NUDCD1: variants seen among roughly 807,000 people sequenced by gnomAD.
NUDCD1 encodes the protein NudC domain containing 1, also known as nudC domain-containing protein 1.
In NUDCD1, 60 loss-of-function variants were observed where a neutral mutation model predicts 67.8. That is an observed-to-expected ratio of 0.88 (90% CI 0.72 to 1.10). The LOEUF (loss-of-function observed/expected upper bound fraction) is 1.10. Among genes scored for constraint, NUDCD1 ranks in the 50% least tolerant of loss-of-function variants. The probability of loss-of-function intolerance (pLI) is 0.00; values close to 1 mark genes in which losing one functional copy is unlikely to be tolerated. For synonymous variants in NUDCD1, 244 were observed against 230.8 expected (o/e 1.06, Z -0.52); for missense variants, 643 against 695.0 (o/e 0.93, Z 0.84).
Position 109,311,559 on chromosome 8 carries a change from G to GTGTGTATATATATATA in NUDCD1, c.273+10749_273+10750insTATATATATATACACA. On this transcript the variant is annotated intron_variant, in intron 2 of 9. Transcript: ENST00000239690. ...AATGAGTGGATAAAGAAACTGTGGT[G>GTGTGTATATATATATA]TATATATATATATGATGGGATACTG... Among the ~76,000 whole-genome samples the GTGTGTATATATATATA allele has an allele frequency of 3.3e-4, 41 of 125,094 alleles. 1 individual carries two copies. The highest frequency in any genetic ancestry group is 4.4e-3 in the Middle Eastern group (1 of 228). The allele number at this position is 125,094 out of a possible 152,430, so 82.1% of individuals were successfully genotyped here. A position where few individuals can be genotyped will look rare whatever the true frequency, so the allele number is the denominator to read the frequency against.
intron 1 of NUDCD1, among the ~76,000 whole-genome samples, chr8:109,326,502 G>A (rs571761876): frequency 3.3e-5 from 5 of 152,318 alleles, no homozygotes; most frequent in African/African-American, 9.6e-5. Context: ...AGGGGGCAGC[G>A]AGGCTTCAAT....
chr8:109,329,347 A>G (rs780154808), intron 1 of NUDCD1, among the ~76,000 whole-genome samples: 1 of 152,152 alleles, frequency 6.6e-6, no homozygotes, highest in African/African-American at 2.4e-5. Context: ...GATAAAAACT[A>G]TATGTCCGCA....
intron 8 of NUDCD1, among the ~76,000 whole-genome samples, chr8:109,253,364 T>C (rs1563659568): frequency 1.3e-5 from 2 of 152,208 alleles, no homozygotes; most frequent in African/African-American, 4.8e-5. Flanking sequence ...GATGGCAATG[T>C]GATCATAATA....
chr8:109,278,872 G>C (rs150186868), intron 6 of NUDCD1, among the ~76,000 whole-genome samples: 1 of 152,158 alleles, frequency 6.6e-6, no homozygotes, highest in African/African-American at 2.4e-5. Context: ...TTTTGGCTTT[G>C]TTTTGTTTTT....
At chr8:109,244,977 C>A (rs780551449) in intron 9 of NUDCD1, among the ~76,000 whole-genome samples, 3 of 152,080 alleles carry the variant, frequency 2.0e-5, no homozygotes, top group Non-Finnish European at 4.4e-5. Flanking sequence ...AACTTGAACA[C>A]CAGTTCCATG....
intron 9 of NUDCD1, 79 bp downstream of exon 9, chr8:109,245,243 A>G: frequency 1.4e-6 from 2 of 1,389,964 alleles, no homozygotes; most frequent in Non-Finnish European, 2.0e-6. Context: ...AATTAAAAAG[A>G]AAAAAAAGAA....
Position 109,289,951 on chromosome 8 carries a change from C to T in NUDCD1, c.641-18G>A. 8.8e-7 allele frequency: 1 copy of T among 1,141,648 alleles called. No individual in the cohort carries two copies. Among genetic ancestry groups the T allele is most frequent in the Non-Finnish European group, 1.2e-6 (1 of 814,532 alleles). 70.7% of individuals were successfully genotyped at this position (1,141,648 alleles called of 1,614,324 possible). Reference sequence around the variant, plus strand: ...TTTATTATCTGTAAGAAAAGTATTTCAGAACAAAACATTACAAATAAAAAC... The same window carrying T: ...TTTATTATCTGTAAGAAAAGTATTTTAGAACAAAACATTACAAATAAAAAC... On this transcript the variant is annotated intron_variant, in intron 4 of 9. Transcript: ENST00000239690.
chr8:109,300,225 C>T (rs1393870391), intron 2 of NUDCD1, among the ~76,000 whole-genome samples: 1 of 152,042 alleles, frequency 6.6e-6, no homozygotes, highest in Non-Finnish European at 1.5e-5. Context: ...CAATAGTTCA[C>T]CAGCATTGAA....
At chr8:109,274,280 A>G (rs1849467053) in intron 7 of NUDCD1, among the ~76,000 whole-genome samples, 1 of 152,150 alleles carries the variant, frequency 6.6e-6, no homozygotes, top group Admixed American at 6.5e-5. Flanking sequence ...GTCTTCTCAT[A>G]ATCTAACAAA....
At chr8:109,320,976 G>A (rs1421170945) in intron 2 of NUDCD1, among the ~76,000 whole-genome samples, 1 of 152,208 alleles carries the variant, frequency 6.6e-6, no homozygotes, top group Non-Finnish European at 1.5e-5. Flanking sequence ...CTGGAGATAG[G>A]ATAGATAAAA....
chr8:109,332,250 C>T (rs570774208), intron 1 of NUDCD1, among the ~76,000 whole-genome samples: 22 of 152,254 alleles, frequency 1.4e-4, no homozygotes, highest in African/African-American at 5.3e-4. Flanking sequence ...GGCAGGAAGG[C>T]TAGTCAGGAG....
At chr8:109,285,612 T>A (rs923093493) in intron 5 of NUDCD1, among the ~76,000 whole-genome samples, 1 of 151,960 alleles carries the variant, frequency 6.6e-6, no homozygotes, top group African/African-American at 2.4e-5. Flanking sequence ...AAATCCAACA[T>A]CCCTTCACTA....
In NUDCD1 at chr8:109,275,343, A is replaced by G. The variant is rs369953762; in HGVS notation, c.1173+9T>C. ...CTTGGAAAGTCACACTACTATTCCA[A>G]CTACTTACCAGTTCTTCAGAGGTCA... On this transcript the variant is annotated intron_variant, in intron 7 of 9. Coordinates refer to ENST00000239690, the MANE Select transcript of NUDCD1 (RefSeq NM_032869.4). 1.9e-6 allele frequency: 3 copies of G among 1,611,016 alleles called. No individual in the cohort carries two copies. Among genetic ancestry groups the G allele is most frequent in the Non-Finnish European group, 2.5e-6 (3 of 1,178,710 alleles).
rs1813400113 is a variant in NUDCD1 at position 109,242,941 on chromosome 8, T to A, written c.*68A>T. The stretch of plus-strand genomic sequence containing the variant: ...CATTAAAACTTAAGAGGTTACAGTA[T>A]AACTGTCCAGACCTCCAGGTACCAC... On this transcript the variant is annotated 3_prime_UTR_variant, in exon 10 of 10. Transcript: ENST00000239690. 1 of 1,008,326 alleles carries A rather than the reference T, an allele frequency of 9.9e-7. No individual in the cohort carries two copies. Among genetic ancestry groups the A allele is most frequent in the Non-Finnish European group, 1.5e-6 (1 of 666,960 alleles). The allele number at this position is 1,008,326 out of a possible 1,614,324, so 62.5% of individuals were successfully genotyped here. A position where few individuals can be genotyped will look rare whatever the true frequency, so the allele number is the denominator to read the frequency against.
chr8:109,246,000 G>A (rs1377885443), intron 8 of NUDCD1, among the ~76,000 whole-genome samples: 1 of 152,156 alleles, frequency 6.6e-6, no homozygotes, highest in Non-Finnish European at 1.5e-5. Flanking sequence ...ATTGTGAAAT[G>A]CACATGCAAG....
At chr8:109,270,016 T>A (rs912775919) in intron 8 of NUDCD1, among the ~76,000 whole-genome samples, 1 of 126,634 alleles carries the variant, frequency 7.9e-6, no homozygotes, top group African/African-American at 3.0e-5. Flanking sequence ...AGTATCTTAA[T>A]ACAAATCTGT....
intron 8 of NUDCD1, among the ~76,000 whole-genome samples, chr8:109,249,085 A>T (rs989179387): frequency 1.3e-5 from 2 of 152,162 alleles, no homozygotes; most frequent in African/African-American, 2.4e-5. Context: ...GATAGCTATG[A>T]CTTTGGGTAG....
At chr8:109,297,347 G>A (rs1466518484) in intron 2 of NUDCD1, among the ~76,000 whole-genome samples, 2 of 152,152 alleles carry the variant, frequency 1.3e-5, no homozygotes, top group Non-Finnish European at 2.9e-5. Context: ...TACTTATAAT[G>A]TAAAGTTATG....
intron 2 of NUDCD1, among the ~76,000 whole-genome samples, chr8:109,321,598 C>A (rs1815538789): frequency 6.6e-6 from 1 of 151,784 alleles, no homozygotes; most frequent in Non-Finnish European, 1.5e-5. Flanking sequence ...ACAAACAGGG[C>A]ATAATGAGAA....
Sources: gnomAD v4.1 joint callset for allele counts (sites outside exome capture counted in the v4.1 genomes callset) on GRCh38, gnomAD v4.1.1 for gene constraint, MANE v1.5 for transcripts, NCBI Gene and HGNC (gene_info 2026-07-23, HGNC 2026-07-21) for gene names.